Variants in ANKS1B observed in about 807,000 individuals in gnomAD.
ANKS1B encodes ankyrin repeat and sterile alpha motif domain containing 1B, also known as ankyrin repeat and sterile alpha motif domain-containing protein 1B.
A neutral mutation model predicts 148.3 loss-of-function variants in ANKS1B; 36 were observed. That is an observed-to-expected ratio of 0.24 (90% CI 0.19 to 0.32). ANKS1B has a LOEUF of 0.32. ANKS1B is among the 10% of genes least tolerant of loss of function. The pLI is 1.00. For synonymous variants in ANKS1B, 542 were observed against 560.8 expected (o/e 0.97, Z 0.47); for missense variants, 1,157 against 1,542.6 (o/e 0.75, Z 4.19).
intron 15 of ANKS1B, among the ~76,000 whole-genome samples, chr12:99,121,551 G>A (rs1219518230): frequency 6.6e-6 from 1 of 152,238 alleles, no homozygotes; most frequent in Non-Finnish European, 1.5e-5. Context: ...AGGAAGGCAA[G>A]ATGTCAAGAG....
chr12:99,324,793 T>C (rs915399642), intron 12 of ANKS1B, among the ~76,000 whole-genome samples: 1 of 150,896 alleles, frequency 6.6e-6, no homozygotes, highest in Admixed American at 6.6e-5. Context: ...CTAACCATCA[T>C]TTTTTTTTCT....
intron 1 of ANKS1B, among the ~76,000 whole-genome samples, chr12:99,840,591 T>C (rs1245342146): frequency 1.3e-5 from 2 of 152,108 alleles, no homozygotes; most frequent in Admixed American, 1.3e-4. Context: ...GCTTGGATTA[T>C]GCATTTAAAG....
At chr12:99,062,164 C>T (rs541412889) in intron 16 of ANKS1B, among the ~76,000 whole-genome samples, 1 of 152,298 alleles carries the variant, frequency 6.6e-6, no homozygotes, top group South Asian at 2.1e-4. Flanking sequence ...CACTTATTAG[C>T]TATCTGACCT....
intron 17 of ANKS1B, among the ~76,000 whole-genome samples, chr12:98,872,924 A>T (rs971515431): frequency 6.6e-6 from 1 of 152,202 alleles, no homozygotes; most frequent in African/African-American, 2.4e-5. Flanking sequence ...CCTGTGTTTC[A>T]TGCCAACTTT....
chr12:99,853,004 G>A (rs1205625904), intron 1 of ANKS1B, among the ~76,000 whole-genome samples: 1 of 152,090 alleles, frequency 6.6e-6, no homozygotes, highest in Non-Finnish European at 1.5e-5. Flanking sequence ...AATCCCCCTG[G>A]GAACATAACT....
At position 99,313,218 on chromosome 12, in the gene ANKS1B, GGAT is replaced by G. The variant is rs1438106386; in HGVS notation, c.1757-66357_1757-66355del. On this transcript the variant is annotated intron_variant, in intron 12 of 26. Coordinates refer to ENST00000683438, the MANE Select transcript of ANKS1B (RefSeq NM_001352186.2). ...GACACATACATCCTCCCAGAAACCA[GGAT>G]GATATCGTATCCCTGAATAGACCAA... is the stretch of plus-strand genomic sequence containing the variant. 2.0e-5 allele frequency among the ~76,000 whole-genome samples: 3 copies of G among 151,944 alleles called. No homozygotes were observed. The East Asian group carries it at 5.8e-4, about 29-fold the overall frequency.
chr12:99,548,839 G>A (rs1021418469), intron 9 of ANKS1B, among the ~76,000 whole-genome samples: 4 of 152,080 alleles, frequency 2.6e-5, no homozygotes, highest in Admixed American at 6.6e-5. Flanking sequence ...TAGAAGTTGC[G>A]AAGATCATCA....
rs1046435369 is a variant in ANKS1B, at chr12:98,806,451, A to G, written c.3141+1393T>C. 2.1e-4 allele frequency among the ~76,000 whole-genome samples: 32 copies of G among 152,354 alleles called. No homozygotes were observed. The East Asian group carries it at 5.4e-3, about 26-fold the overall frequency. ...CTCAATTTCTTCAGAACACTTAATGAAAAACTAAAATGATTTTAAAGGACA... is the reference window on the plus strand; with the variant it reads ...CTCAATTTCTTCAGAACACTTAATGGAAAACTAAAATGATTTTAAAGGACA... On this transcript the variant is annotated intron_variant, in intron 20 of 26. Transcript: ENST00000683438.
At chr12:98,926,590 A>G (rs2099808600) in intron 17 of ANKS1B, among the ~76,000 whole-genome samples, 1 of 152,208 alleles carries the variant, frequency 6.6e-6, no homozygotes, top group African/African-American at 2.4e-5. Context: ...ACTTTAAACC[A>G]TCTATCATAA....
chr12:99,921,962 T>C (rs889993191), intron 1 of ANKS1B, among the ~76,000 whole-genome samples: 15 of 152,164 alleles, frequency 9.9e-5, no homozygotes, highest in African/African-American at 3.6e-4. Context: ...GGACATATAA[T>C]GGATAACAAT....
chr12:99,623,883 T>C (rs1567503339), intron 9 of ANKS1B, among the ~76,000 whole-genome samples: 1 of 151,930 alleles, frequency 6.6e-6, no homozygotes, highest in African/African-American at 2.4e-5. Context: ...ACATTATTTT[T>C]CACAGAACTA....
chr12:98,859,817 C>T (rs1464218267), intron 17 of ANKS1B, among the ~76,000 whole-genome samples: 2 of 152,046 alleles, frequency 1.3e-5, no homozygotes, highest in South Asian at 2.1e-4. Context: ...AATTTTTGGC[C>T]TTTTGGGAGG....
At chr12:99,135,550 T>A (rs2067744376) in intron 15 of ANKS1B, among the ~76,000 whole-genome samples, 1 of 152,134 alleles carries the variant, frequency 6.6e-6, no homozygotes, top group Non-Finnish European at 1.5e-5. Flanking sequence ...AACGTCAGAC[T>A]CCTCATCAAA....
At chr12:99,885,444 G>A (rs1281646331) in intron 1 of ANKS1B, among the ~76,000 whole-genome samples, 3 of 151,772 alleles carry the variant, frequency 2.0e-5, no homozygotes, top group Non-Finnish European at 2.9e-5. Flanking sequence ...GGGACTATAG[G>A]CACCTGCTAC....
intron 16 of ANKS1B, among the ~76,000 whole-genome samples, chr12:99,063,876 G>T (rs1226307832): frequency 1.3e-5 from 2 of 152,144 alleles, no homozygotes; most frequent in East Asian, 3.9e-4. Context: ...AGCAAGGGAG[G>T]TATACATGTA....
At chr12:99,762,330 G>A (rs1486588367) in intron 8 of ANKS1B, among the ~76,000 whole-genome samples, 1 of 128,332 alleles carries the variant, frequency 7.8e-6, no homozygotes, top group Non-Finnish European at 1.7e-5. Context: ...TCATGGTACT[G>A]GTACAAAAAC....
chr12:98,852,749 T>TC (rs1022591607), intron 17 of ANKS1B, among the ~76,000 whole-genome samples: 17 of 152,042 alleles, frequency 1.1e-4, no homozygotes, highest in African/African-American at 1.9e-4. Flanking sequence ...CTGAGCTTTT[T>TC]CCCCCCCTCC....
At chr12:99,224,815 G>A (rs1458178805) in intron 14 of ANKS1B, among the ~76,000 whole-genome samples, 1 of 152,048 alleles carries the variant, frequency 6.6e-6, no homozygotes, top group Non-Finnish European at 1.5e-5. Flanking sequence ...CGAAAAACCA[G>A]GGCCTTTAAC....
chr12:99,642,657 A>T (rs2098322331), intron 9 of ANKS1B, among the ~76,000 whole-genome samples: 2 of 152,136 alleles, frequency 1.3e-5, no homozygotes, highest in Admixed American at 1.3e-4. Context: ...CTCTACTAAA[A>T]ATACAAAAAA....
Sources: gnomAD v4.1 joint callset for allele counts (sites outside exome capture counted in the v4.1 genomes callset) on GRCh38, gnomAD v4.1.1 for gene constraint, MANE v1.5 for transcripts, NCBI Gene and HGNC (gene_info 2026-07-23, HGNC 2026-07-21) for gene names.